Variants in CPXM2 observed in about 807,000 individuals in gnomAD.
The protein encoded by CPXM2 is inactive carboxypeptidase-like protein X2.
CPXM2 carries 66 observed loss-of-function variants against 86.1 expected under a neutral mutation model. The ratio of observed to expected loss-of-function variants is 0.77; its 90% CI spans 0.63 to 0.94. CPXM2 has a LOEUF of 0.94. CPXM2 is among the 40% of genes least tolerant of loss of function. The pLI, the probability that CPXM2 is intolerant of heterozygous loss-of-function variation, is 0.00. For synonymous variants in CPXM2, 388 were observed against 400.2 expected (o/e 0.97, Z 0.36); for missense variants, 948 against 1,026.3 (o/e 0.92, Z 1.04).
intron 10 of CPXM2, among the ~76,000 whole-genome samples, chr10:123,764,345 A>G (rs999642737): frequency 2.2e-4 from 34 of 152,198 alleles, no homozygotes; most frequent in African/African-American, 7.7e-4. Context: ...ACTAAAAGCT[A>G]TATTCAAAAT....
At chr10:123,878,430 C>G (rs749400410) in intron 2 of CPXM2, among the ~76,000 whole-genome samples, 4 of 148,554 alleles carry the variant, frequency 2.7e-5, no homozygotes, top group Non-Finnish European at 5.9e-5. Context: ...AGCTTTGAAG[C>G]CAAAGCCATG....
Position 123,891,645 on chromosome 10 carries a change from C to T in CPXM2, c.15G>A (p.Gly5=). The change falls in exon 1 of 14, where the codon GGG becomes GGA. Residue 5 remains glycine (G), a synonymous_variant. Coordinates refer to ENST00000241305, the MANE Select transcript of CPXM2 (RefSeq NM_198148.3). The surrounding 1 kb of genome is among the most constrained non-coding windows in gnomAD (Gnocchi z 5.6). Reference sequence around the variant, plus strand: ...CCAGGGCCAGCGCTGGGGTAGCGGTCCCCGGGCGGGACATGCCTGCTCCGC... The same window carrying T: ...CCAGGGCCAGCGCTGGGGTAGCGGTTCCCGGGCGGGACATGCCTGCTCCGC... The part of the protein sequence containing the change: MSRP[G]TATPALALVL... 6.9e-7 allele frequency: 1 copy of T among 1,446,484 alleles called. No homozygotes were observed. Among genetic ancestry groups the T allele is most frequent in the Admixed American group, 2.7e-5 (1 of 36,480 alleles). 89.6% of individuals were successfully genotyped at this position (1,446,484 alleles called of 1,614,324 possible).
At chr10:123,869,209 T>C (rs768826534) in intron 2 of CPXM2, among the ~76,000 whole-genome samples, 7 of 152,208 alleles carry the variant, frequency 4.6e-5, no homozygotes, top group Non-Finnish European at 7.3e-5. Context: ...GGAAACTCAT[T>C]GGCAGCTCTT....
At chr10:123,756,316 TA>T (rs1360946100) in intron 12 of CPXM2, among the ~76,000 whole-genome samples, 1 of 152,168 alleles carries the variant, frequency 6.6e-6, no homozygotes, top group Non-Finnish European at 1.5e-5. Flanking sequence ...GTCTGTTCCT[TA>T]GTGGGGCCCG....
At chr10:123,842,675 C>T (rs951018719) in intron 3 of CPXM2, among the ~76,000 whole-genome samples, 187 bp from the exon 4 acceptor site, 7 of 152,096 alleles carry the variant, frequency 4.6e-5, no homozygotes, top group Non-Finnish European at 1.0e-4. Flanking sequence ...GCTTAGTATC[C>T]ACAAGTTGAA....
intron 2 of CPXM2, among the ~76,000 whole-genome samples, chr10:123,915,323 T>C (rs1945526463): frequency 6.6e-6 from 1 of 152,164 alleles, no homozygotes; most frequent in Admixed American, 6.5e-5. Context: ...TTTGGGAGGC[T>C]GAGGCGGGGA....
intron 2 of CPXM2, among the ~76,000 whole-genome samples, chr10:123,910,013 T>C (rs28529784): frequency 0.064 from 9,815 of 152,206 alleles, 466 homozygotes; most frequent in Non-Finnish European, 0.082. Context: ...TACTGGTGGG[T>C]GCAGCCAGGC....
At chr10:123,812,846 T>C (rs1847723200) in intron 4 of CPXM2, among the ~76,000 whole-genome samples, 1 of 151,562 alleles carries the variant, frequency 6.6e-6, no homozygotes, top group African/African-American at 2.4e-5. Flanking sequence ...ATCCCCACCA[T>C]CTGTATAAAA....
intron 10 of CPXM2, 107 bp from the exon 11 acceptor site, chr10:123,762,276 T>G: frequency 8.8e-6 from 13 of 1,477,626 alleles, no homozygotes; most frequent in African/African-American, 1.4e-5. Context: ...TGGAATAATC[T>G]TAGTAAAGTT....
chr10:123,930,465 C>T (rs1945658500), intron 2 of CPXM2, among the ~76,000 whole-genome samples: 1 of 152,226 alleles, frequency 6.6e-6, no homozygotes, highest in Admixed American at 6.5e-5. Flanking sequence ...GGGACCAGGA[C>T]TGCAGGAGAG....
Position 123,768,714 on chromosome 10 carries a change from C to T in CPXM2, c.1111G>A (p.Glu371Lys), listed in dbSNP as rs776387177. Reference protein sequence around the residue: ...HPGEHEVGEPEFHYIAGAHGN... With the variant: ...HPGEHEVGEPKFHYIAGAHGN... ...TGGGCCCCCGCGATGTAGTGGAACT[C>T]GGGCTCACCTTTACTCAAAGACAGA... The change falls in exon 9 of 14, where the codon GAG becomes AAG. Residue 371 changes from glutamate to lysine, a missense_variant. Coordinates refer to ENST00000241305, the MANE Select transcript of CPXM2 (RefSeq NM_198148.3). The T allele has an allele frequency of 2.4e-5, 39 of 1,608,340 alleles. No homozygotes were observed. Among genetic ancestry groups the T allele is most frequent in the Admixed American group, 1.8e-4 (11 of 59,988 alleles).
At chr10:123,898,329 C>T (rs923635549) in intron 2 of CPXM2, among the ~76,000 whole-genome samples, 1 of 152,172 alleles carries the variant, frequency 6.6e-6, no homozygotes, top group African/African-American at 2.4e-5. Context: ...TGGCACACAC[C>T]TGTAGTCCCA....
intron 4 of CPXM2, among the ~76,000 whole-genome samples, chr10:123,821,898 G>A (rs1185162313): frequency 6.6e-6 from 1 of 152,212 alleles, no homozygotes; most frequent in East Asian, 1.9e-4. Context: ...GCTCAAAACT[G>A]TTGAGGAAAG....
chr10:123,933,352 C>T (rs947084693), intron 2 of CPXM2, among the ~76,000 whole-genome samples: 3 of 152,178 alleles, frequency 2.0e-5, no homozygotes, highest in African/African-American at 4.8e-5. Flanking sequence ...AGTGGGGATG[C>T]TCAAGATGGA....
intron 4 of CPXM2, among the ~76,000 whole-genome samples, chr10:123,821,881 T>C (rs1393377973): frequency 1.3e-5 from 2 of 152,214 alleles, no homozygotes; most frequent in Non-Finnish European, 2.9e-5. Context: ...AATTCTCCAT[T>C]TGATTTGCTC....
intron 12 of CPXM2, among the ~76,000 whole-genome samples, chr10:123,755,909 G>A (rs1846194294): frequency 6.6e-6 from 1 of 152,200 alleles, no homozygotes; most frequent in African/African-American, 2.4e-5. Context: ...AAAAGAAAAA[G>A]GGCCTTCTCT....
intron 4 of CPXM2, among the ~76,000 whole-genome samples, chr10:123,800,828 G>C (rs188648438): frequency 6.6e-6 from 1 of 152,086 alleles, no homozygotes; most frequent in Admixed American, 6.6e-5. Flanking sequence ...TGTTTGAATC[G>C]TAATTGTTTC....
At chr10:123,930,106 C>G (rs1445247604) in intron 2 of CPXM2, among the ~76,000 whole-genome samples, 1 of 152,226 alleles carries the variant, frequency 6.6e-6, no homozygotes, top group Non-Finnish European at 1.5e-5. Flanking sequence ...TTTTCTCACA[C>G]CTGATACACG....
intron 4 of CPXM2, among the ~76,000 whole-genome samples, chr10:123,809,538 A>C (rs1847648129): frequency 6.6e-6 from 1 of 152,094 alleles, no homozygotes; most frequent in Non-Finnish European, 1.5e-5. Context: ...ATATAAATAC[A>C]CTCATGTAAA....
Sources: allele counts gnomAD v4.1 joint callset (sites outside exome capture counted in the v4.1 genomes callset), GRCh38; gene constraint gnomAD v4.1.1; non-coding constraint Gnocchi (gnomAD v3.1); transcripts MANE v1.5; gene names NCBI Gene and HGNC (gene_info 2026-07-23, HGNC 2026-07-21).